The following UBE2V1 variants were observed in gnomAD, a reference collection of about 807,000 sequenced individuals.
UBE2V1 encodes ubiquitin conjugating enzyme E2 V1.
UBE2V1 carries 15 observed loss-of-function variants against 19.6 expected under a neutral mutation model. The ratio of observed to expected loss-of-function variants is 0.77; its 90% CI spans 0.51 to 1.18. The LOEUF is 1.18. Among genes scored for constraint, UBE2V1 ranks in the 50% most tolerant of loss-of-function variants. The probability of loss-of-function intolerance (pLI) is 0.00; values close to 1 mark genes in which losing one functional copy is unlikely to be tolerated. For synonymous variants in UBE2V1, 60 were observed against 60.7 expected, an observed-to-expected ratio of 0.99 and a Z score of 0.05; for missense variants, 125 against 184.8, an observed-to-expected ratio of 0.68 and a Z score of 1.88.
At chr20:50,109,705 C>T (rs868522183) in intron 1 of UBE2V1, among the ~76,000 whole-genome samples, 1 of 145,646 alleles carries the variant, frequency 6.9e-6, no homozygotes, top group Admixed American at 7.1e-5. Context: ...GCCAAGATCA[C>T]GCCACTGCAC....
intron 2 of UBE2V1, among the ~76,000 whole-genome samples, chr20:50,092,029 T>C (rs2079262588): frequency 6.6e-6 from 1 of 151,978 alleles, no homozygotes; most frequent in Non-Finnish European, 1.5e-5. Context: ...AATCCACACA[T>C]AAAACACTTG....
In UBE2V1 at chr20:50,084,437, C is replaced by T. The variant is rs769016093; in HGVS notation, c.172-183G>A. 3 of 1,095,060 alleles carry T rather than the reference C, an allele frequency of 2.7e-6. No homozygotes were observed. In the South Asian group the frequency reaches 3.9e-5, roughly 14 times the overall value. The allele number at this position is 1,095,060 out of a possible 1,614,324, so 67.8% of individuals were successfully genotyped here. A position where few individuals can be genotyped will look rare whatever the true frequency, so the allele number is the denominator to read the frequency against. ...GTTCCTACACTAGTTTATATGACTT[C>T]CGGGCCTTGGGGGAATACAAAGAAG... On this transcript the variant is annotated intron_variant, in intron 2 of 3. Coordinates refer to ENST00000371674, the MANE Select transcript of UBE2V1 (RefSeq NM_001032288.3).
chr20:50,112,887 C>T (rs1452624571), intron 1 of UBE2V1, among the ~76,000 whole-genome samples: 1 of 152,176 alleles, frequency 6.6e-6, no homozygotes, highest in Non-Finnish European at 1.5e-5. Flanking sequence ...AGCCTCAGGG[C>T]CTCGCCGCGC....
intron 2 of UBE2V1, among the ~76,000 whole-genome samples, chr20:50,092,969 T>A (rs1044554356): frequency 1.3e-5 from 2 of 152,206 alleles, no homozygotes; most frequent in African/African-American, 4.8e-5. Context: ...ATGCATGAGC[T>A]CTTCCTCTGC....
intron 1 of UBE2V1, among the ~76,000 whole-genome samples, chr20:50,110,989 T>C (rs1350162534): frequency 6.6e-6 from 1 of 152,196 alleles, no homozygotes; most frequent in Non-Finnish European, 1.5e-5. Context: ...ATTTCCTCCA[T>C]AGCACTTACT....
chr20:50,082,744 A>G lies in UBE2V1; in HGVS notation c.*24T>C, dbSNP rs2078694449. On this transcript the variant is annotated 3_prime_UTR_variant, in exon 4 of 4. Coordinates refer to ENST00000371674, the MANE Select transcript of UBE2V1 (RefSeq NM_001032288.3). ...TTAAATCGAATTGGGGGGAAGGGGA[A>G]GGGCCTGTGGTTTTTCTTTTTGATT... 6.2e-7 allele frequency: 1 copy of G among 1,604,314 alleles called. No individual in the cohort carries two copies. Among genetic ancestry groups the G allele is most frequent in the South Asian group, 1.1e-5 (1 of 90,388 alleles).
At chr20:50,115,448 G>A (rs1034030888), upstream of UBE2V1, 98 of 1,497,156 alleles carry the variant, frequency 6.5e-5, no homozygotes, top group Non-Finnish European at 8.8e-5. Flanking sequence ...AGCATCAGTA[G>A]CAAGTGGAAG....
intron 2 of UBE2V1, among the ~76,000 whole-genome samples, chr20:50,093,987 CAAAA>C (rs60174191): frequency 2.9e-3 from 161 of 56,260 alleles, no homozygotes; most frequent in African/African-American, 9.6e-3. Context: ...GACTCCAACT[CAAAA>C]AAAAAAAAAA....
intron 2 of UBE2V1, chr20:50,094,880 G>C (rs2079532895): frequency 6.6e-6 from 1 of 152,152 alleles, no homozygotes; most frequent in Non-Finnish European, 1.5e-5. Context: ...TCCCAATAAA[G>C]CTGTTACCAA....
chr20:50,082,732 GGGGGAA>G lies in UBE2V1; in HGVS notation c.*30_*35del, dbSNP rs779631764. 3.8e-6 allele frequency: 6 copies of G among 1,599,958 alleles called. No homozygotes were observed. The East Asian group carries it at 6.7e-5, about 18-fold the overall frequency. On this transcript the variant is annotated 3_prime_UTR_variant, in exon 4 of 4. Transcript: ENST00000371674. The stretch of plus-strand genomic sequence containing the variant: ...AATGAAGACTGATTAAATCGAATTG[GGGGGAA>G]GGGGAAGGGCCTGTGGTTTTTCTTT...
intron 1 of UBE2V1, among the ~76,000 whole-genome samples, chr20:50,098,268 G>T (rs2147101649): frequency 6.6e-6 from 1 of 152,310 alleles, no homozygotes; most frequent in Non-Finnish European, 1.5e-5. Context: ...GGGTGTCAAA[G>T]GACAGCAAGG....
chr20:50,101,097 T>C (rs1262406462), intron 1 of UBE2V1, among the ~76,000 whole-genome samples: 1 of 152,196 alleles, frequency 6.6e-6, no homozygotes, highest in Non-Finnish European at 1.5e-5. Flanking sequence ...GGTCAATTTA[T>C]TTTAGGCTAG....
chr20:50,115,488 T>G (rs1237945327), upstream of UBE2V1: 2 of 1,582,106 alleles, frequency 1.3e-6, no homozygotes, highest in Non-Finnish European at 1.7e-6. Context: ...GACTCACCTT[T>G]GCAGTGAAAT....
At chr20:50,109,609 C>T (rs1222614524) in intron 1 of UBE2V1, among the ~76,000 whole-genome samples, 2 of 151,870 alleles carry the variant, frequency 1.3e-5, no homozygotes, top group African/African-American at 2.4e-5. Context: ...ATTAGCCAGG[C>T]GTGGTGGCGC....
intron 1 of UBE2V1, chr20:50,111,533 G>A (rs2080753131): frequency 4.0e-6 from 4 of 1,000,190 alleles, no homozygotes; most frequent in Non-Finnish European, 3.6e-6. Context: ...GCAGCGTCAT[G>A]GTAAATGAAT....
At chr20:50,084,970 C>G (rs2078832752) in intron 2 of UBE2V1, among the ~76,000 whole-genome samples, 1 of 145,138 alleles carries the variant, frequency 6.9e-6, no homozygotes, top group South Asian at 2.2e-4. Flanking sequence ...GATCTCGGCT[C>G]ACCGCAACCT....
chr20:50,089,552 T>A (rs2079105408), intron 2 of UBE2V1, among the ~76,000 whole-genome samples: 1 of 152,140 alleles, frequency 6.6e-6, no homozygotes, highest in Non-Finnish European at 1.5e-5. Flanking sequence ...AGGAAAAGTG[T>A]AGTGTGCAGA....
At chr20:50,092,605 G>A (rs1223484740) in intron 2 of UBE2V1, among the ~76,000 whole-genome samples, 1 of 152,172 alleles carries the variant, frequency 6.6e-6, no homozygotes, top group Non-Finnish European at 1.5e-5. Context: ...TATATAACTT[G>A]ACTATTGTTA....
At chr20:50,086,790 A>G (rs957281497) in intron 2 of UBE2V1, among the ~76,000 whole-genome samples, 3 of 152,182 alleles carry the variant, frequency 2.0e-5, no homozygotes, top group Admixed American at 6.5e-5. Flanking sequence ...AAAAGCCCCA[A>G]CCTAAGGCCG....
Sources: allele counts gnomAD v4.1 joint callset (sites outside exome capture counted in the v4.1 genomes callset), GRCh38; gene constraint gnomAD v4.1.1; transcripts MANE v1.5; gene names NCBI Gene and HGNC (gene_info 2026-07-23, HGNC 2026-07-21).